ALMS1: variants seen among roughly 807,000 people sequenced by gnomAD.
ALMS1 encodes ALMS1 centrosome and basal body associated protein, also known as centrosome-associated protein ALMS1.
ALMS1 carries 271 observed loss-of-function variants against 352.2 expected under a neutral mutation model. The ratio of observed to expected loss-of-function variants is 0.77; its 90% CI spans 0.70 to 0.85. The LOEUF (loss-of-function observed/expected upper bound fraction) is 0.85. Among genes scored for constraint, ALMS1 ranks in the 40% least tolerant of loss-of-function variants. The pLI is 0.00. For missense variants in ALMS1, 5,445 were observed against 4,870.7 expected (o/e 1.12, Z -3.51); for synonymous variants, 1,865 against 1,761.2 (o/e 1.06, Z -1.48).
chr2:73,449,470 G>C lies in ALMS1; in HGVS notation c.2943G>C (p.Met981Ile), dbSNP rs757088179. 2 of 1,613,848 alleles carry C rather than the reference G, an allele frequency of 1.2e-6. No homozygotes were observed. Among genetic ancestry groups the C allele is most frequent in the African/African-American group, 2.7e-5 (2 of 74,878 alleles). The change falls in exon 8 of 23, where the codon ATG (methionine) becomes ATC (isoleucine). Residue 981 changes from methionine to isoleucine, a missense_variant. By Grantham distance (10) the Met-to-Ile change is conservative. Coordinates refer to ENST00000613296, the MANE Select transcript of ALMS1 (RefSeq NM_001378454.1). ...DSDLPRESLK[M>I]SAIPGLTDQK... is the part of the protein sequence containing the mutation. ...ATCTACCTAGAGAATCTCTGAAAAT[G>C]TCTGCTATTCCTGGACTGACTGACC...
At chr2:73,434,871 A>G (rs950800300) in intron 7 of ALMS1, among the ~76,000 whole-genome samples, 1 of 152,154 alleles carries the variant, frequency 6.6e-6, no homozygotes, top group Non-Finnish European at 1.5e-5. Flanking sequence ...TGCGTGGCTC[A>G]CTGCAACCTC....
rs1343952124 is a variant in ALMS1 at position 73,395,076 on chromosome 2, A to ATTT, written c.324+8885_324+8886insTTT. On this transcript the variant is annotated intron_variant, in intron 1 of 22. Transcript: ENST00000613296. ...TATATATGTGTATATATATATATAT[A>ATTT]TATTTTTTTTTTTTTTTTTTTTTGA... Among the ~76,000 whole-genome samples, 59 of 108,262 alleles carry ATTT rather than the reference A, an allele frequency of 5.4e-4. 9 individuals carry two copies. Among genetic ancestry groups the ATTT allele is most frequent in the African/African-American group, 1.6e-3 (37 of 22,780 alleles). The allele number at this position is 108,262 out of a possible 152,430, so 71.0% of individuals were successfully genotyped here.
intron 2 of ALMS1, among the ~76,000 whole-genome samples, chr2:73,411,075 A>T (rs531948784): frequency 6.6e-6 from 1 of 152,008 alleles, no homozygotes; most frequent in East Asian, 1.9e-4. Flanking sequence ...CTAATCCCCA[A>T]TACCTCAGAA....
At chr2:73,457,125 A>G (rs543595359) in intron 9 of ALMS1, 5 of 152,332 alleles carry the variant, frequency 3.3e-5, no homozygotes, top group African/African-American at 1.2e-4. Flanking sequence ...ACTGCTTTCA[A>G]AACTTAAAGC....
intron 1 of ALMS1, among the ~76,000 whole-genome samples, chr2:73,404,468 CTT>C (rs879605119): frequency 5.7e-5 from 8 of 139,866 alleles, no homozygotes; most frequent in African/African-American, 5.2e-5. Context: ...AGTCTGTTGA[CTT>C]TTTTTTTTTT....
intron 9 of ALMS1, among the ~76,000 whole-genome samples, chr2:73,471,673 C>T (rs1015419740): frequency 6.6e-6 from 1 of 151,886 alleles, no homozygotes; most frequent in Non-Finnish European, 1.5e-5. Context: ...CTGAACACTT[C>T]ATATCTGTTA....
chr2:73,508,612 A>T (rs780764043), intron 10 of ALMS1, among the ~76,000 whole-genome samples: 28 of 152,130 alleles, frequency 1.8e-4, no homozygotes, highest in Non-Finnish European at 3.2e-4. Context: ...TTTACTTCCA[A>T]TTATGTGGTC....
rs184629120 is a variant in ALMS1 at position 73,598,930 on chromosome 2, C to T, written c.11548-471C>T. ...CTAATACTTTTTGCAATGCTCTACT[C>T]ATCAGGACGTCTCACGAGCCTTGTA... On this transcript the variant is annotated intron_variant, in intron 16 of 22. Transcript: ENST00000613296. Among the ~76,000 whole-genome samples, 173 of 152,306 alleles carry T rather than the reference C, an allele frequency of 1.1e-3. 1 individual carries two copies. Among genetic ancestry groups the T allele is most frequent in the African/African-American group, 3.5e-3 (146 of 41,576 alleles).
chr2:73,493,271 A>T (rs982209536), intron 10 of ALMS1, among the ~76,000 whole-genome samples: 1 of 151,832 alleles, frequency 6.6e-6, no homozygotes, highest in African/African-American at 2.4e-5. Context: ...GCCCAAGATC[A>T]CATGGCCATT....
At chr2:73,509,785 C>G (rs1461752283) in intron 10 of ALMS1, among the ~76,000 whole-genome samples, 1 of 152,134 alleles carries the variant, frequency 6.6e-6, no homozygotes, top group Non-Finnish European at 1.5e-5. Flanking sequence ...CTCTGTATTT[C>G]TTGAATTTGA....
At position 73,534,966 on chromosome 2, in the gene ALMS1, A is replaced by G. The variant is rs772675597; in HGVS notation, c.9907+17A>G. ...CCCATTCAGGTATTATGCAGAAATT[A>G]TTCGAAGTTTTATTGTTTGATATTT... is the stretch of plus-strand genomic sequence containing the variant. On this transcript the variant is annotated intron_variant, in intron 12 of 22. Transcript: ENST00000613296. The G allele has an allele frequency of 1.9e-6, 3 of 1,613,346 alleles. No individual in the cohort carries two copies. The highest frequency in any genetic ancestry group is 2.5e-6 in the Non-Finnish European group (3 of 1,179,432).
intron 10 of ALMS1, among the ~76,000 whole-genome samples, chr2:73,517,358 G>A (rs1163763397): frequency 6.8e-6 from 1 of 147,974 alleles, no homozygotes; most frequent in Admixed American, 6.8e-5. Context: ...GTCTCAAGCA[G>A]TCCTCCTGCC....
At chr2:73,440,019 C>T (rs181873829) in intron 7 of ALMS1, among the ~76,000 whole-genome samples, 3 of 151,756 alleles carry the variant, frequency 2.0e-5, no homozygotes, top group Non-Finnish European at 2.9e-5. Flanking sequence ...CTCGCTCTGT[C>T]GCCCAGGCTG....
Position 73,452,519 on chromosome 2 carries a change from A to C in ALMS1, c.5992A>C (p.Ile1998Leu). 1 of 1,614,072 alleles carries C rather than the reference A, an allele frequency of 6.2e-7. No homozygotes were observed. The highest frequency in any genetic ancestry group is 1.1e-5 in the South Asian group (1 of 91,076). ...YSHSHKEKLK[I>L]STVHIPDDQK... ...ACATTCACATAAAGAGAAACTCAAG[A>C]TTTCAACTGTGCATATACCAGATGA... Residue 1998 changes from isoleucine (I) to leucine (L), a missense_variant, in exon 8 of 23, where the codon ATT (isoleucine) becomes CTT (leucine). Ile to Leu is a conservative substitution (Grantham distance 5). Coordinates refer to ENST00000613296, the MANE Select transcript of ALMS1 (RefSeq NM_001378454.1).
At chr2:73,582,287 T>C (rs1675200025) in intron 16 of ALMS1, among the ~76,000 whole-genome samples, 1 of 152,218 alleles carries the variant, frequency 6.6e-6, no homozygotes, top group African/African-American at 2.4e-5. Context: ...TATTTTGGCT[T>C]TTTTTCATTC....
intron 9 of ALMS1, chr2:73,458,784 C>G (rs1236479397): frequency 6.6e-6 from 1 of 152,234 alleles, no homozygotes; most frequent in Admixed American, 6.5e-5. Context: ...AGGGAGAAGA[C>G]TAGATTGTGG....
chr2:73,519,051 A>G (rs764822296), intron 10 of ALMS1, among the ~76,000 whole-genome samples: 8 of 152,150 alleles, frequency 5.3e-5, no homozygotes, highest in African/African-American at 1.9e-4. Context: ...CCACATCATC[A>G]CTGGTGATGT....
At chr2:73,600,112 T>A (rs1202627628) in intron 17 of ALMS1, among the ~76,000 whole-genome samples, 15 of 152,154 alleles carry the variant, frequency 9.9e-5, no homozygotes. Context: ...CAATATGAAT[T>A]TTTTTTAATA....
At chr2:73,582,202 A>C (rs1378177732) in intron 16 of ALMS1, among the ~76,000 whole-genome samples, 1 of 152,050 alleles carries the variant, frequency 6.6e-6, no homozygotes, top group Non-Finnish European at 1.5e-5. Context: ...TTCCCACCCA[A>C]TCTGAAGGTC....
Sources: allele counts gnomAD v4.1 joint callset (sites outside exome capture counted in the v4.1 genomes callset), GRCh38; gene constraint gnomAD v4.1.1; transcripts MANE v1.5; gene names NCBI Gene and HGNC (gene_info 2026-07-23, HGNC 2026-07-21).